Variants in NPEPPS observed in about 807,000 individuals in gnomAD.
NPEPPS encodes the protein aminopeptidase puromycin sensitive, also known as puromycin-sensitive aminopeptidase.
Under a neutral mutation model 115.5 loss-of-function variants are expected in NPEPPS, and 14 were observed. That is an observed-to-expected ratio of 0.12 (90% CI 0.08 to 0.19). The LOEUF (loss-of-function observed/expected upper bound fraction) is 0.19, where lower values mean the gene tolerates loss of function less well. Ranked by LOEUF, NPEPPS falls within the 10% of genes least tolerant of loss-of-function variation. The pLI, the probability that NPEPPS is intolerant of heterozygous loss-of-function variation, is 1.00. For missense variants in NPEPPS, 523 were observed against 1,110.8 expected, an observed-to-expected ratio of 0.47 and a Z score of 7.52; for synonymous variants, 285 against 390.6, an observed-to-expected ratio of 0.73 and a Z score of 3.19.
rs370834075 is a variant in NPEPPS, at chr17:47,612,526, C to T, written c.2162C>T (p.Thr721Met). Residue 721 changes from threonine (T) to methionine (M), a missense_variant, in exon 18 of 23, where the codon ACG becomes ATG. Thr to Met is a moderately conservative substitution (Grantham distance 81). Transcript: ENST00000322157. The stretch of plus-strand genomic sequence containing the variant: ...CTAGGAAAAGCAGGACATAAGGCAA[C>T]GTTAGAAGAAGCCCGTCGTCGGTTT... ...GKLGKAGHKA[T>M]LEEARRRFKD... The T allele has an allele frequency of 1.3e-5, 21 of 1,613,746 alleles. No individual in the cohort carries two copies. The highest frequency in any genetic ancestry group is 2.2e-5 in the East Asian group (1 of 44,896).
chr17:47,579,271 AG>A, intron 3 of NPEPPS, 118 bp from the exon 4 acceptor site: 2 of 730,736 alleles, frequency 2.7e-6, no homozygotes, highest in Non-Finnish European at 4.3e-6. Flanking sequence ...TATTTGAAAA[AG>A]GAAGGAATGA....
chr17:47,595,905 C>T (rs1912836308), intron 12 of NPEPPS, among the ~76,000 whole-genome samples: 1 of 148,248 alleles, frequency 6.7e-6, no homozygotes, highest in African/African-American at 2.5e-5. Context: ...TTGCTTGAAC[C>T]TGGGAGGCAG....
chr17:47,610,788 T>G (rs1048707515), intron 17 of NPEPPS, among the ~76,000 whole-genome samples: 2 of 151,840 alleles, frequency 1.3e-5, no homozygotes, highest in Non-Finnish European at 2.9e-5. Context: ...TGTGTAGACA[T>G]GCTTTCATTT....
At chr17:47,575,265 A>G (rs1475792117) in intron 3 of NPEPPS, among the ~76,000 whole-genome samples, 1 of 152,180 alleles carries the variant, frequency 6.6e-6, no homozygotes, top group Middle Eastern at 3.2e-3. Context: ...ACTTTTTAAG[A>G]ACACAGAAAT....
chr17:47,554,429 A>G (rs1209082436), intron 2 of NPEPPS, among the ~76,000 whole-genome samples: 1 of 151,950 alleles, frequency 6.6e-6, no homozygotes, highest in Non-Finnish European at 1.5e-5. Context: ...TGGTGCCATC[A>G]TATCTCACTG....
chr17:47,538,458 C>G (rs79132888), intron 1 of NPEPPS, among the ~76,000 whole-genome samples: 5 of 151,326 alleles, frequency 3.3e-5, no homozygotes, highest in African/African-American at 9.7e-5. Context: ...AGGTGATCCG[C>G]CTGCCTCTGC....
At position 47,604,173 on chromosome 17, in the gene NPEPPS, G is replaced by A. The variant is rs376613514; in HGVS notation, c.1875+124G>A. The A allele has an allele frequency of 8.6e-5, 68 of 790,324 alleles. 2 individuals carry two copies. The East Asian group carries it at 9.7e-4, about 11-fold the overall frequency. 49.0% of individuals were successfully genotyped at this position (790,324 alleles called of 1,614,324 possible). The stretch of plus-strand genomic sequence containing the variant: ...TCATGATGGTTAAAAACACCTTTGG[G>A]ACTAGAGCAAATCACTGTTTTTAAT... On this transcript the variant is annotated intron_variant, in intron 16 of 22. Transcript: ENST00000322157.
At chr17:47,619,282 A>G (rs1279465844) in intron 21 of NPEPPS, 118 bp downstream of exon 21, 4 of 1,031,854 alleles carry the variant, frequency 3.9e-6, no homozygotes, top group African/African-American at 1.6e-5. Flanking sequence ...GGCCAGGTGC[A>G]GTGGCTCACG....
At chr17:47,604,077 A>G in intron 16 of NPEPPS, 28 bp downstream of exon 16, 1 of 1,593,880 alleles carries the variant, frequency 6.3e-7, no homozygotes, top group Non-Finnish European at 8.6e-7. Flanking sequence ...AAGTAATATG[A>G]TGGATTTTGC....
intron 9 of NPEPPS, among the ~76,000 whole-genome samples, chr17:47,587,764 A>G (rs1912279059): frequency 6.6e-6 from 1 of 152,130 alleles, no homozygotes; most frequent in Admixed American, 6.6e-5. Context: ...TTAGAGAGAA[A>G]TGTTTTTAGG....
chr17:47,540,319 C>T (rs1199401568), intron 1 of NPEPPS, among the ~76,000 whole-genome samples: 3 of 151,860 alleles, frequency 2.0e-5, no homozygotes. Flanking sequence ...TTTTATATGC[C>T]AACCTTGTTT....
At chr17:47,559,775 C>T (rs1341448662) in intron 2 of NPEPPS, 6 of 423,306 alleles carry the variant, frequency 1.4e-5, no homozygotes, top group Non-Finnish European at 2.8e-5. Context: ...CTTGTCTTTT[C>T]TCTTCTAATA....
At chr17:47,566,570 G>C (rs1353393971) in intron 2 of NPEPPS, among the ~76,000 whole-genome samples, 1 of 146,908 alleles carries the variant, frequency 6.8e-6, no homozygotes, top group African/African-American at 2.5e-5. Context: ...GGCGCATCTC[G>C]GCTCACTGCA....
At chr17:47,592,105 T>A (rs1442197019) in intron 11 of NPEPPS, 45 bp downstream of exon 11, 4 of 1,174,534 alleles carry the variant, frequency 3.4e-6, no homozygotes, top group African/African-American at 1.5e-5. Context: ...GGTGAAATCA[T>A]AAGAGTTTTG....
Position 47,531,520 on chromosome 17 carries a change from T to G in NPEPPS, c.220T>G (p.Phe74Val). The change falls in exon 1 of 23, where the codon TTC (phenylalanine) becomes GTC (valine). Residue 74 changes from phenylalanine to valine, a missense_variant. Around this residue, in one of 4 missense-constraint regions of NPEPPS, gnomAD observed 144 missense variants for 512.4 expected, o/e 0.28. Transcript: ENST00000322157. The part of the protein sequence containing the change: ...SLCLKPDLLD[F>V]TFEGKLEAAA... ...TTGCCTCAAGCCCGACTTGCTGGAC[T>G]TCACCTTCGAGGGCAAGCTGGAGGC... The G allele has an allele frequency of 3.1e-6, 5 of 1,608,616 alleles. No homozygotes were observed. The highest frequency in any genetic ancestry group is 4.2e-6 in the Non-Finnish European group (5 of 1,178,498).
At chr17:47,526,486 G>A (rs902717871), upstream of NPEPPS, among the ~76,000 whole-genome samples, 1 of 152,206 alleles carries the variant, frequency 6.6e-6, no homozygotes, top group Non-Finnish European at 1.5e-5. Context: ...GCATTAAACC[G>A]GTTAGCTTGT....
chr17:47,605,914 G>A (rs1169560356), intron 17 of NPEPPS, among the ~76,000 whole-genome samples: 4 of 152,028 alleles, frequency 2.6e-5, no homozygotes, highest in Non-Finnish European at 2.9e-5. Flanking sequence ...TTTCATTCTT[G>A]TTGCCTAGGC....
chr17:47,571,096 A>G (rs1218396922), intron 3 of NPEPPS, among the ~76,000 whole-genome samples: 1 of 152,218 alleles, frequency 6.6e-6, no homozygotes, highest in East Asian at 1.9e-4. Context: ...CTATATAGTG[A>G]AATATACTTA....
intron 14 of NPEPPS, 109 bp downstream of exon 14, chr17:47,599,848 C>G (rs982419624): frequency 3.4e-6 from 3 of 875,100 alleles, no homozygotes; most frequent in Admixed American, 4.6e-5. Context: ...TGAGGAGTCT[C>G]ACTCTGTCGC....
Sources: allele counts gnomAD v4.1 joint callset (sites outside exome capture counted in the v4.1 genomes callset), GRCh38; gene constraint gnomAD v4.1.1; regional missense constraint gnomAD v4.1.1; transcripts MANE v1.5; gene names NCBI Gene and HGNC (gene_info 2026-07-23, HGNC 2026-07-21).